Variants in TENM3 observed in about 807,000 individuals in gnomAD.
The protein encoded by TENM3 is teneurin-3.
A neutral mutation model predicts 255.1 loss-of-function variants in TENM3; 63 were observed. The observed-to-expected ratio is 0.25, with a 90% CI of 0.20 to 0.30. The LOEUF (loss-of-function observed/expected upper bound fraction) is 0.30. Among genes scored for constraint, TENM3 ranks in the 10% least tolerant of loss-of-function variants. The pLI, the probability that TENM3 is intolerant of heterozygous loss-of-function variation, is 1.00. For synonymous variants in TENM3, 1,306 were observed against 1,322.3 expected, an observed-to-expected ratio of 0.99 and a Z score of 0.27; for missense variants, 2,929 against 3,461.1, an observed-to-expected ratio of 0.85 and a Z score of 3.86.
chr4:181,987,573 A>G, the TENM3 span, among the ~76,000 whole-genome samples: 1 of 152,082 alleles, frequency 6.6e-6, no homozygotes, highest in South Asian at 2.1e-4. Context: ...CTCTCTCAAT[A>G]TGCGTAGAGT....
chr4:182,644,193 C>A (rs1561048206), intron 5 of TENM3, among the ~76,000 whole-genome samples: 1 of 152,248 alleles, frequency 6.6e-6, no homozygotes, highest in East Asian at 1.9e-4. Flanking sequence ...AATTGCTGGA[C>A]TATGTCACCA....
chr4:181,785,334 G>A, the TENM3 span, among the ~76,000 whole-genome samples: 4 of 152,084 alleles, frequency 2.6e-5, no homozygotes, highest in African/African-American at 9.7e-5. Context: ...GCCTGTGGTC[G>A]GAGCGAAGCC....
Position 182,234,124 on chromosome 4 carries a change from C to T in TENM3, c.-76+89370C>T, listed in dbSNP as rs925291405. ...AAGTTCACCGTGAAAGCCTGGCTCC[C>T]TCATGGCACCTGTCAGTTCTTTCCA... On this transcript the variant is annotated intron_variant, in intron 1 of 2. Transcript: ENST00000512480. 2.6e-5 allele frequency among the ~76,000 whole-genome samples: 4 copies of T among 152,298 alleles called. No homozygotes were observed. The South Asian group carries it at 8.3e-4, about 32-fold the overall frequency.
chr4:181,630,693 G>T, the TENM3 span, among the ~76,000 whole-genome samples: 1 of 152,098 alleles, frequency 6.6e-6, no homozygotes, highest in Admixed American at 6.5e-5. Context: ...ATTGCACTGC[G>T]GTCTGAGAAA....
the TENM3 span, among the ~76,000 whole-genome samples, chr4:181,874,107 T>G: frequency 6.6e-6 from 1 of 151,416 alleles, no homozygotes; most frequent in East Asian, 2.0e-4. Flanking sequence ...TTATTAGAGA[T>G]AGGGTTTCAC....
chr4:181,453,967 G>C, the TENM3 span, among the ~76,000 whole-genome samples: 145,700 of 152,172 alleles, frequency 0.96, 69,874 homozygotes, highest in Non-Finnish European at 0.99. Flanking sequence ...CATTAACACT[G>C]TACAGCTTTT....
the TENM3 span, among the ~76,000 whole-genome samples, chr4:181,493,436 G>A: frequency 3.4e-4 from 51 of 152,072 alleles, no homozygotes; most frequent in African/African-American, 1.2e-3. Flanking sequence ...GTGGTTTAAG[G>A]TTATAGAGGT....
intron 3 of TENM3, among the ~76,000 whole-genome samples, chr4:182,517,538 C>G (rs1007298948): frequency 9.5e-5 from 14 of 146,870 alleles, no homozygotes; most frequent in African/African-American, 3.5e-4. Context: ...CGCCCGCTAC[C>G]ACGCCCGGCT....
intron 3 of TENM3, among the ~76,000 whole-genome samples, chr4:182,598,537 G>A (rs1006963279): frequency 2.6e-5 from 4 of 152,104 alleles, no homozygotes. Flanking sequence ...TTTTTATTTA[G>A]GAATAAGAAT....
chr4:181,989,019 T>C, the TENM3 span, among the ~76,000 whole-genome samples: 28,663 of 152,002 alleles, frequency 0.19, 2,888 homozygotes, highest in South Asian at 0.24. Context: ...AATTCTACTG[T>C]AGTAGACCTT....
chr4:181,715,677 G>A, the TENM3 span, among the ~76,000 whole-genome samples: 2 of 152,308 alleles, frequency 1.3e-5, no homozygotes, highest in African/African-American at 4.8e-5. Context: ...AAGACGTCTT[G>A]TACCACTGGC....
chr4:182,431,032 T>C (rs1442050947), intron 3 of TENM3, among the ~76,000 whole-genome samples: 2 of 100,290 alleles, frequency 2.0e-5, no homozygotes, highest in African/African-American at 3.7e-5. Flanking sequence ...AATAAATAAA[T>C]AAATAAACAA....
rs539689977 is a variant in TENM3 at position 182,796,573 on chromosome 4, A to C, written c.7214-64A>C. The C allele has an allele frequency of 4.1e-5, 58 of 1,415,592 alleles. 1 individual carries two copies. The African/African-American group carries it at 8.3e-4, about 20-fold the overall frequency. 87.7% of individuals were successfully genotyped at this position (1,415,592 alleles called of 1,614,324 possible). A position where few individuals can be genotyped will look rare whatever the true frequency, so the allele number is the denominator to read the frequency against. ...ATTGGATTTTCTTTTTAAGGTAAGA[A>C]TTTAAATTTATGAAAGGACAAAACA... On this transcript the variant is annotated intron_variant, in intron 26 of 27. Coordinates refer to ENST00000511685, the MANE Select transcript of TENM3 (RefSeq NM_001080477.4).
intron 1 of TENM3, among the ~76,000 whole-genome samples, chr4:182,160,174 A>T (rs61324258): frequency 0.64 from 94,289 of 147,922 alleles, 31,110 homozygotes; most frequent in Middle Eastern, 0.73. Context: ...GGCTAATTTT[A>T]TGTATTTTTA....
intron 4 of TENM3, among the ~76,000 whole-genome samples, chr4:182,615,211 A>G (rs1036562350): frequency 1.3e-5 from 2 of 151,802 alleles, no homozygotes. Flanking sequence ...AGGTAAAGAG[A>G]ATGATTAGAA....
chr4:182,030,315 T>C, the TENM3 span, among the ~76,000 whole-genome samples: 2 of 151,980 alleles, frequency 1.3e-5, no homozygotes, highest in Non-Finnish European at 2.9e-5. Context: ...CTCTCACTTA[T>C]AAGTGAGAAC....
chr4:181,974,328 G>T, the TENM3 span, among the ~76,000 whole-genome samples: 1 of 152,304 alleles, frequency 6.6e-6, no homozygotes, highest in Non-Finnish European at 1.5e-5. Context: ...AGCACTTTGG[G>T]ATGCCAAGGC....
At position 182,754,403 on chromosome 4, in the gene TENM3, A is replaced by G; in HGVS notation, c.4036A>G (p.Thr1346Ala). 2 of 1,604,618 alleles carry G rather than the reference A, an allele frequency of 1.2e-6. No individual in the cohort carries two copies. The highest frequency in any genetic ancestry group is 1.7e-6 in the Non-Finnish European group (2 of 1,174,572). ...TATTAAGGTACGTCTGGAATGGCCC[A>G]CTGACCTAGCCATTAACCCTATGGA... ...HISQVRLEWP[T>A]DLAINPMDNS... The change falls in exon 22 of 28, where the codon ACT becomes GCT. Residue 1346 changes from threonine (T) to alanine (A), a missense_variant. Thr to Ala is a moderately conservative substitution (Grantham distance 58). Coordinates refer to ENST00000511685, the MANE Select transcript of TENM3 (RefSeq NM_001080477.4). This position sits in a 1 kb window ranked among gnomAD's most constrained non-coding sequence, Gnocchi z 5.1.
At chr4:182,067,312 A>T in the TENM3 span, among the ~76,000 whole-genome samples, 1 of 152,282 alleles carries the variant, frequency 6.6e-6, no homozygotes, top group South Asian at 2.1e-4. Context: ...GTGTTCATGA[A>T]AGGACCTGAT....
Sources: allele counts gnomAD v4.1 joint callset (sites outside exome capture counted in the v4.1 genomes callset), GRCh38; gene constraint gnomAD v4.1.1; non-coding constraint Gnocchi (gnomAD v3.1); transcripts MANE v1.5; gene names NCBI Gene and HGNC (gene_info 2026-07-23, HGNC 2026-07-21).